Variants in ARMCX4 observed in about 807,000 individuals in gnomAD.
ARMCX4 encodes the protein armadillo repeat containing X-linked 4.
A neutral mutation model predicts 34.7 loss-of-function variants in ARMCX4; 3 were observed. The ratio of observed to expected loss-of-function variants is 0.09; its 90% CI spans 0.04 to 0.22. ARMCX4 has a LOEUF of 0.22. Ranked by LOEUF, ARMCX4 falls within the 10% of genes least tolerant of loss-of-function variation. The pLI is 1.00. For missense variants in ARMCX4, 1,448 were observed against 1,720.8 expected (o/e 0.84, Z 2.81); for synonymous variants, 513 against 632.8 (o/e 0.81, Z 2.84).
intron 2 of ARMCX4, among the ~76,000 whole-genome samples, chrX:101,428,857 T>A (rs899411868): frequency 9.6e-6 from 1 of 104,481 alleles, no homozygotes; most frequent in African/African-American, 3.4e-5. Flanking sequence ...CACTTCTGTT[T>A]TGGTATTTCT....
intron 7 of ARMCX4, among the ~76,000 whole-genome samples, chrX:101,503,014 C>G (rs1415801734): frequency 2.0e-5 from 2 of 99,953 alleles, no homozygotes; most frequent in Admixed American, 1.1e-4. Flanking sequence ...CAATTCCCAC[C>G]TATGAGTGAG....
At chrX:101,525,931 T>A (rs1934962443) in intron 11 of ARMCX4, among the ~76,000 whole-genome samples, 1 of 111,969 alleles carries the variant, frequency 8.9e-6, no homozygotes, top group Non-Finnish European at 1.9e-5. Flanking sequence ...CCAGGAGAAT[T>A]TCCCCAACCT....
chrX:101,420,227 T>C (rs1204124735), intron 2 of ARMCX4, among the ~76,000 whole-genome samples: 1 of 111,237 alleles, frequency 9.0e-6, no homozygotes, highest in Non-Finnish European at 1.9e-5. Context: ...GGCATGGTGG[T>C]GTGCGCCTGT....
chrX:101,515,980 A>T (rs1434462239), intron 11 of ARMCX4, among the ~76,000 whole-genome samples: 1 of 111,999 alleles, frequency 8.9e-6, no homozygotes, highest in African/African-American at 3.2e-5. Context: ...CACAGTTAAG[A>T]TTCTTTATAG....
rs782786627 is a variant in ARMCX4 at position 101,511,021 on chromosome X, G to T, written c.*1750-4G>T. The T allele has an allele frequency of 9.1e-5, 10 of 110,470 alleles. No homozygotes were observed. The South Asian group carries it at 3.4e-3, about 37-fold the overall frequency. 9.1% of individuals were successfully genotyped at this position (110,470 alleles called of 1,213,427 possible). On this transcript the variant is annotated splice_polypyrimidine_tract_variant and splice_region_variant and intron_variant and NMD_transcript_variant, in intron 10 of 12. Coordinates refer to the ARMCX4 transcript ENST00000354842. ...ATCAATAATATGATTTTTTAATTTT[G>T]TAGGTTGCTATGAAAAGAAAAATCA...
intron 2 of ARMCX4, among the ~76,000 whole-genome samples, chrX:101,441,181 A>G (rs1381956904): frequency 1.8e-5 from 2 of 111,069 alleles, no homozygotes; most frequent in East Asian, 5.6e-4. Flanking sequence ...TGCTTCCTCC[A>G]TGGTTTCTAA....
Position 101,503,106 on chromosome X carries a change from G to A in ARMCX4, c.*1178-1831G>A, listed in dbSNP as rs188754166. ...CAGCTTCATCCATGTCCCTATAAAG[G>A]ACATGAATTCATCCTTTTTTATGGC... On this transcript the variant is annotated intron_variant and NMD_transcript_variant, in intron 7 of 12. Transcript: ENST00000354842. Among the ~76,000 whole-genome samples the A allele has an allele frequency of 3.7e-5, 4 of 109,108 alleles. No homozygotes were observed. The Admixed American group carries it at 3.9e-4, about 11-fold the overall frequency. The allele number at this position is 109,108 out of a possible 115,157, so 94.7% of individuals were successfully genotyped here. A position where few individuals can be genotyped will look rare whatever the true frequency, so the allele number is the denominator to read the frequency against.
chrX:101,463,253 A>G (rs1346337030), intron 4 of ARMCX4, among the ~76,000 whole-genome samples: 1 of 111,472 alleles, frequency 9.0e-6, no homozygotes, highest in Non-Finnish European at 1.9e-5. Flanking sequence ...TAGCTCTAAT[A>G]TTGTCACACA....
intron 4 of ARMCX4, among the ~76,000 whole-genome samples, chrX:101,480,016 G>A (rs1225714686): frequency 9.2e-6 from 1 of 109,202 alleles, no homozygotes; most frequent in Non-Finnish European, 1.9e-5. Context: ...AAAGTCAATC[G>A]ATGAAACAGA....
At position 101,512,817 on chromosome X, in the gene ARMCX4, C is replaced by CATATATACACAT. The variant is rs1421887456; in HGVS notation, c.*1780+1769_*1780+1770insCACATATATATA. On this transcript the variant is annotated intron_variant and NMD_transcript_variant, in intron 11 of 12. Coordinates refer to the ARMCX4 transcript ENST00000354842. ...ATATACATATATACACATATATACA[C>CATATATACACAT]ATATATATACACATATATATATGTG... Among the ~76,000 whole-genome samples, 5 of 84,082 alleles carry CATATATACACAT rather than the reference C, an allele frequency of 5.9e-5. No individual in the cohort carries two copies. In the Admixed American group the frequency reaches 6.3e-4, roughly 11 times the overall value. 73.0% of individuals were successfully genotyped at this position (84,082 alleles called of 115,157 possible).
chrX:101,488,226 G>GGTGTATAGAAAT (rs1329310451), intron 5 of ARMCX4, 127 bp downstream of exon 5: 1 of 351,487 alleles, frequency 2.8e-6, no homozygotes. Context: ...CTGTTCATTT[G>GGTGTATAGAAAT]GTGTATAGAA....
intron 4 of ARMCX4, among the ~76,000 whole-genome samples, chrX:101,476,088 T>C (rs913724707): frequency 9.0e-6 from 1 of 110,893 alleles, no homozygotes; most frequent in Non-Finnish European, 1.9e-5. Flanking sequence ...ACATGCTTAT[T>C]CAAGAGTTAA....
chrX:101,510,981 A>G (rs1934568223), intron 10 of ARMCX4: 1 of 111,150 alleles, frequency 9.0e-6, no homozygotes, highest in South Asian at 3.7e-4. Context: ...TTTCATCCTT[A>G]ATATTTTGAA....
At chrX:101,498,122 C>T, downstream of ARMCX4, 1 of 329,850 alleles carries the variant, frequency 3.0e-6, no homozygotes, top group South Asian at 2.6e-5. Context: ...TCCAATCCTG[C>T]TTCCTTCTTT....
chrX:101,492,909 G>C lies in ARMCX4; in HGVS notation c.4320G>C (p.Gly1440=), dbSNP rs1394790785. The C allele has an allele frequency of 4.3e-6, 5 of 1,154,045 alleles. No individual in the cohort carries two copies. The highest frequency in any genetic ancestry group is 5.7e-6 in the Non-Finnish European group (5 of 872,435). The part of the protein sequence containing the change: ...GDQISGGFLV[G]IVDQANGGSW... The stretch of plus-strand genomic sequence containing the variant: ...AAATCAGTGGAGGATTCTTAGTTGG[G>C]ATTGTGGACCAGGCCAATGGAGGGT... Residue 1440 remains glycine, a synonymous_variant, in exon 6 of 6, where the codon GGG becomes GGC. Transcript: ENST00000423738.
chrX:101,424,425 G>A (rs985311957), intron 2 of ARMCX4, among the ~76,000 whole-genome samples: 1 of 111,699 alleles, frequency 9.0e-6, no homozygotes, highest in African/African-American at 3.3e-5. Flanking sequence ...AGGGTCATGG[G>A]AACCCTGATT....
chrX:101,506,291 A>G (rs1934447754), intron 8 of ARMCX4, among the ~76,000 whole-genome samples: 1 of 112,311 alleles, frequency 8.9e-6, no homozygotes. Flanking sequence ...GGAACCATAT[A>G]TGATTTGTCC....
At chrX:101,520,705 T>A (rs1380781580) in intron 11 of ARMCX4, among the ~76,000 whole-genome samples, 1 of 110,848 alleles carries the variant, frequency 9.0e-6, no homozygotes, top group Non-Finnish European at 1.9e-5. Context: ...TTGGTTAGAG[T>A]GGTTTTCCTT....
chrX:101,431,753 C>T (rs2147524614), intron 2 of ARMCX4, among the ~76,000 whole-genome samples: 1 of 111,667 alleles, frequency 9.0e-6, no homozygotes, highest in South Asian at 3.7e-4. Flanking sequence ...TTGTGTTAGC[C>T]AGGATGGTCT....
Sources: gnomAD v4.1 joint callset for allele counts (sites outside exome capture counted in the v4.1 genomes callset) on GRCh38, gnomAD v4.1.1 for gene constraint, MANE v1.5 for transcripts, NCBI Gene and HGNC (gene_info 2026-07-23, HGNC 2026-07-21) for gene names.